Variants in LRP1B observed in about 807,000 individuals in gnomAD.
The protein encoded by LRP1B is LDL receptor related protein 1B.
In LRP1B, 217 loss-of-function variants were observed where a neutral mutation model predicts 556.6. The observed-to-expected ratio is 0.39, with a 90% confidence interval of 0.35 to 0.44. The LOEUF (loss-of-function observed/expected upper bound fraction) is 0.44, where lower values mean the gene tolerates loss of function less well. Among genes scored for constraint, LRP1B ranks in the 20% least tolerant of loss-of-function variants. The pLI is 1.00. For synonymous variants in LRP1B, 2,047 were observed against 1,865.8 expected (o/e 1.10, Z -2.50); for missense variants, 5,053 against 5,620.8 (o/e 0.90, Z 3.23).
intron 41 of LRP1B, among the ~76,000 whole-genome samples, chr2:140,688,103 A>G (rs1266415436): frequency 6.6e-6 from 1 of 152,088 alleles, no homozygotes; most frequent in Non-Finnish European, 1.5e-5. Flanking sequence ...CTTACAACTT[A>G]CCTCATTCAA....
At chr2:142,086,167 G>C (rs980844292) in intron 1 of LRP1B, among the ~76,000 whole-genome samples, 47 of 152,238 alleles carry the variant, frequency 3.1e-4, no homozygotes, top group African/African-American at 9.1e-4. Context: ...TTCCAAGTGC[G>C]AAAATGTGTT....
At chr2:140,632,638 G>A (rs866391904) in intron 41 of LRP1B, among the ~76,000 whole-genome samples, 17 of 151,996 alleles carry the variant, frequency 1.1e-4, no homozygotes, top group Non-Finnish European at 2.1e-4. Flanking sequence ...TTACAATATG[G>A]TACATATTAA....
At chr2:141,208,598 G>T (rs1197561135) in intron 6 of LRP1B, among the ~76,000 whole-genome samples, 3 of 151,786 alleles carry the variant, frequency 2.0e-5, no homozygotes, top group Admixed American at 6.6e-5. Context: ...TGGGCGCGGG[G>T]GGCTCACGCC....
At chr2:141,664,357 G>A (rs968202906) in intron 2 of LRP1B, among the ~76,000 whole-genome samples, 1 of 152,142 alleles carries the variant, frequency 6.6e-6, no homozygotes, top group Non-Finnish European at 1.5e-5. Flanking sequence ...GTTCCGGCCA[G>A]GGCAATCAGA....
rs887312560 is a variant in LRP1B, at chr2:140,716,832, A to G, written c.5759-16T>C. 3.4e-6 allele frequency: 5 copies of G among 1,470,666 alleles called. No homozygotes were observed. Among genetic ancestry groups the G allele is most frequent in the African/African-American group, 3.1e-5 (2 of 65,476 alleles). 91.1% of individuals were successfully genotyped at this position (1,470,666 alleles called of 1,614,324 possible). A position where few individuals can be genotyped will look rare whatever the true frequency, so the allele number is the denominator to read the frequency against. On this transcript the variant is annotated splice_polypyrimidine_tract_variant and intron_variant, in intron 35 of 90. Coordinates refer to ENST00000389484, the MANE Select transcript of LRP1B (RefSeq NM_018557.3). ...GTATCATTTTCTATGGATAAGACAC[A>G]GAAAAAAAATACATATACACACACT...
intron 57 of LRP1B, 66 bp from the exon 58 acceptor site, chr2:140,487,805 GT>G: frequency 9.1e-7 from 1 of 1,100,942 alleles, no homozygotes; most frequent in Non-Finnish European, 1.3e-6. Flanking sequence ...TGTTTTAGGA[GT>G]TTACAGGAAT....
At chr2:141,233,927 C>A (rs1242184961) in intron 5 of LRP1B, among the ~76,000 whole-genome samples, 1 of 151,594 alleles carries the variant, frequency 6.6e-6, no homozygotes, top group Non-Finnish European at 1.5e-5. Flanking sequence ...TTAATTAAAC[C>A]TGTAATTGTA....
intron 2 of LRP1B, among the ~76,000 whole-genome samples, chr2:141,549,931 G>T (rs1215375686): frequency 6.6e-6 from 1 of 152,190 alleles, no homozygotes; most frequent in Non-Finnish European, 1.5e-5. Flanking sequence ...GGAGGCGGAG[G>T]TTGCAGTAAG....
intron 62 of LRP1B, among the ~76,000 whole-genome samples, chr2:140,455,425 C>T (rs1056155660): frequency 1.3e-5 from 2 of 152,086 alleles, no homozygotes; most frequent in African/African-American, 4.8e-5. Context: ...CCCATTTAAT[C>T]TGTATATGGC....
chr2:141,522,550 C>A (rs1209563664), intron 2 of LRP1B, among the ~76,000 whole-genome samples: 1 of 152,142 alleles, frequency 6.6e-6, no homozygotes, highest in African/African-American at 2.4e-5. Context: ...TTTTACTTGT[C>A]TCTTCAGTTA....
chr2:142,025,636 G>A (rs1042631889), intron 1 of LRP1B, among the ~76,000 whole-genome samples: 18 of 152,076 alleles, frequency 1.2e-4, no homozygotes, highest in African/African-American at 4.1e-4. Flanking sequence ...GGGTCACCCC[G>A]GGTGGGTATG....
At chr2:141,073,097 C>A (rs571406762) in intron 7 of LRP1B, among the ~76,000 whole-genome samples, 3 of 152,110 alleles carry the variant, frequency 2.0e-5, no homozygotes, top group African/African-American at 7.2e-5. Context: ...TAACCTTAAA[C>A]CACCTTCCAT....
In LRP1B at chr2:140,308,454, C is replaced by T. The variant is rs572111979; in HGVS notation, c.12805+6481G>A. On this transcript the variant is annotated intron_variant, in intron 83 of 90. Coordinates refer to ENST00000389484, the MANE Select transcript of LRP1B (RefSeq NM_018557.3). ...TAGTGACCGATTATTATTTCTGTGC[C>T]GTAGATACATGCTACTGAGCATTAT... Among the ~76,000 whole-genome samples, 35 of 151,850 alleles carry T rather than the reference C, an allele frequency of 2.3e-4. 1 individual carries two copies. The South Asian group carries it at 6.2e-3, about 27-fold the overall frequency.
At chr2:140,739,720 A>G (rs760990536) in intron 35 of LRP1B, among the ~76,000 whole-genome samples, 2 of 152,180 alleles carry the variant, frequency 1.3e-5, no homozygotes, top group Non-Finnish European at 2.9e-5. Context: ...TGATTGGATA[A>G]TTTAAACAAT....
rs992910535 is a variant in LRP1B, at chr2:142,107,610, T to C, written c.82+23038A>G. Reference sequence around the variant, plus strand: ...TAGTCTGTCTCATATAGGCATTCAATAATGTGTCTTTTGTTTTGTTTTGTT... The same window carrying C: ...TAGTCTGTCTCATATAGGCATTCAACAATGTGTCTTTTGTTTTGTTTTGTT... On this transcript the variant is annotated intron_variant, in intron 1 of 90. Transcript: ENST00000389484. Among the ~76,000 whole-genome samples, 5 of 140,082 alleles carry C rather than the reference T, an allele frequency of 3.6e-5. No individual in the cohort carries two copies. The Admixed American group carries it at 3.8e-4, about 11-fold the overall frequency. The allele number at this position is 140,082 out of a possible 152,430, so 91.9% of individuals were successfully genotyped here.
chr2:141,503,992 C>T (rs1413982435), intron 2 of LRP1B, among the ~76,000 whole-genome samples: 1 of 152,086 alleles, frequency 6.6e-6, no homozygotes, highest in Non-Finnish European at 1.5e-5. Flanking sequence ...AGGCTAACTC[C>T]GAAAGCTACC....
At chr2:141,928,045 A>G (rs1247432660) in intron 1 of LRP1B, among the ~76,000 whole-genome samples, 1 of 151,698 alleles carries the variant, frequency 6.6e-6, no homozygotes, top group Non-Finnish European at 1.5e-5. Flanking sequence ...GTCTATGTTC[A>G]GCTCACTCCA....
chr2:140,745,654 C>T (rs1042580497), intron 35 of LRP1B, among the ~76,000 whole-genome samples: 2 of 152,064 alleles, frequency 1.3e-5, no homozygotes, highest in African/African-American at 4.8e-5. Context: ...CAAATTTGTT[C>T]CCTTTCATGA....
intron 11 of LRP1B, among the ~76,000 whole-genome samples, chr2:141,022,725 T>C (rs896736577): frequency 6.6e-6 from 1 of 151,756 alleles, no homozygotes; most frequent in Non-Finnish European, 1.5e-5. Context: ...CTACAGAGAG[T>C]CTAATTATTA....
Sources: gnomAD v4.1 joint callset for allele counts (sites outside exome capture counted in the v4.1 genomes callset) on GRCh38, gnomAD v4.1.1 for gene constraint, MANE v1.5 for transcripts, NCBI Gene and HGNC (gene_info 2026-07-23, HGNC 2026-07-21) for gene names.